The following SGK1 variants were observed in gnomAD, a reference collection of about 807,000 sequenced individuals.
The protein encoded by SGK1 is serum/glucocorticoid regulated kinase 1.
SGK1 carries 26 observed loss-of-function variants against 64.2 expected under a neutral mutation model. The ratio of observed to expected loss-of-function variants is 0.40; its 90% CI spans 0.30 to 0.56. The LOEUF (loss-of-function observed/expected upper bound fraction) is 0.56. Among genes scored for constraint, SGK1 ranks in the 20% least tolerant of loss-of-function variants. SGK1 has a pLI of 0.38. For synonymous variants in SGK1, 265 were observed against 239.7 expected, an observed-to-expected ratio of 1.11 and a Z score of -0.98; for missense variants, 519 against 645.6, an observed-to-expected ratio of 0.80 and a Z score of 2.12.
chr6:134,210,449 A>G (rs192248013), intron 2 of SGK1, among the ~76,000 whole-genome samples: 1 of 152,328 alleles, frequency 6.6e-6, no homozygotes, highest in Non-Finnish European at 1.5e-5. Context: ...TGGGTATAAA[A>G]TTTAATTTAG....
At chr6:134,275,224 G>A (rs942787211) in intron 1 of SGK1, among the ~76,000 whole-genome samples, 6 of 151,988 alleles carry the variant, frequency 3.9e-5, no homozygotes, top group African/African-American at 1.2e-4. Flanking sequence ...TTGATCAGTC[G>A]ATTGTAGAGG....
chr6:134,252,616 CAAAAAAAA>C lies in SGK1; in HGVS notation c.285+9309_285+9316del, dbSNP rs11418007. Among the ~76,000 whole-genome samples the C allele has an allele frequency of 2.4e-4, 16 of 66,000 alleles. No homozygotes were observed. In the South Asian group the frequency reaches 3.5e-3, roughly 14 times the overall value. The allele number at this position is 66,000 out of a possible 152,430, so 43.3% of individuals were successfully genotyped here. ...TGGGCAACAGAGTGAGATTCCACCT[CAAAAAAAA>C]AAAAAAAAAAAAAAAAGCCGCAGAC... On this transcript the variant is annotated intron_variant, in intron 2 of 13. Coordinates refer to ENST00000367858, the MANE Select transcript of SGK1 (RefSeq NM_001143676.3).
chr6:134,283,380 A>G (rs1777124592), intron 1 of SGK1, among the ~76,000 whole-genome samples: 1 of 151,526 alleles, frequency 6.6e-6, no homozygotes, highest in African/African-American at 2.4e-5. Flanking sequence ...AATCCCAGTT[A>G]CTCAGGAGGC....
At chr6:134,220,996 A>T (rs1041193974) in intron 2 of SGK1, among the ~76,000 whole-genome samples, 1 of 151,724 alleles carries the variant, frequency 6.6e-6, no homozygotes, top group Non-Finnish European at 1.5e-5. Context: ...AAAAAAAAAA[A>T]AATTTTATTA....
Position 134,170,187 on chromosome 6 carries a change from C to T in SGK1, c.*81G>A. 1.7e-6 allele frequency: 2 copies of T among 1,208,404 alleles called. No homozygotes were observed. The highest frequency in any genetic ancestry group is 2.3e-6 in the Non-Finnish European group (2 of 852,202). The allele number at this position is 1,208,404 out of a possible 1,614,324, so 74.9% of individuals were successfully genotyped here. On this transcript the variant is annotated 3_prime_UTR_variant, in exon 14 of 14. Transcript: ENST00000367858. Reference sequence around the variant, plus strand: ...CAAATTCTCTTGTAAGATGTCCTGTCAGCTGGCGGCTCCACCAAAAGGCTA... The same window carrying T: ...CAAATTCTCTTGTAAGATGTCCTGTTAGCTGGCGGCTCCACCAAAAGGCTA...
chr6:134,189,532 G>A (rs757869845), intron 3 of SGK1, among the ~76,000 whole-genome samples: 3 of 151,878 alleles, frequency 2.0e-5, no homozygotes, highest in Non-Finnish European at 4.4e-5. Context: ...AAATTACATC[G>A]TACTCTCTAC....
intron 3 of SGK1, among the ~76,000 whole-genome samples, chr6:134,193,671 T>C (rs1775549741): frequency 6.7e-6 from 1 of 149,366 alleles, no homozygotes; most frequent in African/African-American, 2.5e-5. Context: ...TTGAGTGAGA[T>C]CTTCTCACTC....
intron 2 of SGK1, among the ~76,000 whole-genome samples, chr6:134,217,345 T>C (rs1281866923): frequency 6.6e-6 from 1 of 152,214 alleles, no homozygotes; most frequent in Non-Finnish European, 1.5e-5. Context: ...CAGCATTCTG[T>C]GCTCAGACTA....
intron 2 of SGK1, among the ~76,000 whole-genome samples, chr6:134,245,691 C>CA (rs1582739276): frequency 1.3e-5 from 2 of 152,206 alleles, no homozygotes; most frequent in Admixed American, 6.5e-5. Flanking sequence ...CTTGTCTCTA[C>CA]AAAAAATATT....
chr6:134,170,538 A>C, intron 13 of SGK1, 103 bp from the exon 14 acceptor site: 1 of 1,097,588 alleles, frequency 9.1e-7, no homozygotes, highest in Admixed American at 2.4e-5. Flanking sequence ...TCTTATATCA[A>C]CTTCCATAAT....
chr6:134,177,333 T>C (rs1489375527), intron 3 of SGK1, among the ~76,000 whole-genome samples: 1 of 152,242 alleles, frequency 6.6e-6, no homozygotes, highest in East Asian at 1.9e-4. Flanking sequence ...AACTGGCCCA[T>C]GTCTGCTTCC....
chr6:134,308,423 TA>T (rs1410299857), intron 1 of SGK1, among the ~76,000 whole-genome samples: 2 of 152,184 alleles, frequency 1.3e-5, no homozygotes, highest in African/African-American at 4.8e-5. Context: ...TTCTAGAGAC[TA>T]AAATCTTTGA....
intron 2 of SGK1, among the ~76,000 whole-genome samples, chr6:134,227,388 C>A (rs557155270): frequency 1.3e-5 from 2 of 152,200 alleles, no homozygotes; most frequent in East Asian, 1.9e-4. Context: ...ACCCGCTTGG[C>A]CTCCCAAAGT....
chr6:134,256,680 GT>G (rs1454915572), intron 2 of SGK1, among the ~76,000 whole-genome samples: 10 of 152,144 alleles, frequency 6.6e-5, no homozygotes, highest in Non-Finnish European at 1.5e-4. Context: ...TACAACATGT[GT>G]TCCAGTAGCA....
chr6:134,170,981 CA>C (rs747605647), intron 12 of SGK1, 41 bp downstream of exon 12: 1 of 1,611,860 alleles, frequency 6.2e-7, no homozygotes, highest in Non-Finnish European at 8.5e-7. Context: ...AGGTCTAGTG[CA>C]CGTCCCGGCC....
chr6:134,279,241 G>A (rs1164914831), intron 1 of SGK1, among the ~76,000 whole-genome samples: 4 of 152,036 alleles, frequency 2.6e-5, no homozygotes, highest in Non-Finnish European at 5.9e-5. Context: ...AGACTAGCCT[G>A]GCCAACATGG....
At chr6:134,226,206 A>G (rs920928532) in intron 2 of SGK1, among the ~76,000 whole-genome samples, 1 of 152,144 alleles carries the variant, frequency 6.6e-6, no homozygotes, top group African/African-American at 2.4e-5. Flanking sequence ...AAAATGGTGC[A>G]ATAGGAAGCT....
chr6:134,185,460 G>T (rs145492741), intron 3 of SGK1, among the ~76,000 whole-genome samples: 1 of 152,020 alleles, frequency 6.6e-6, no homozygotes, highest in East Asian at 1.9e-4. Context: ...TGGCCATCAG[G>T]TTGTCAGAAA....
At chr6:134,177,864 A>G in intron 3 of SGK1, 2 of 1,572,814 alleles carry the variant, frequency 1.3e-6, no homozygotes, top group East Asian at 2.3e-5. Context: ...TCTGTTATGA[A>G]CCCCACTTTA....
Sources: allele counts gnomAD v4.1 joint callset (sites outside exome capture counted in the v4.1 genomes callset), GRCh38; gene constraint gnomAD v4.1.1; transcripts MANE v1.5; gene names NCBI Gene and HGNC (gene_info 2026-07-23, HGNC 2026-07-21).